The following KAZN variants were observed in gnomAD, a reference collection of about 807,000 sequenced individuals.
The protein encoded by KAZN is kazrin, periplakin interacting protein, also known as kazrin.
A neutral mutation model predicts 87.4 loss-of-function variants in KAZN; 40 were observed. The ratio of observed to expected loss-of-function variants is 0.46; its 90% CI spans 0.36 to 0.60. The LOEUF (loss-of-function observed/expected upper bound fraction) is 0.60. Among genes scored for constraint, KAZN ranks in the 20% least tolerant of loss-of-function variants. The pLI is 0.00. For synonymous variants in KAZN, 466 were observed against 458.3 expected (o/e 1.02, Z -0.22); for missense variants, 898 against 1,073.9 (o/e 0.84, Z 2.29).
At chr1:14,413,593 G>GAAAA (rs1169921344) in intron 2 of KAZN, among the ~76,000 whole-genome samples, 2 of 66,078 alleles carry the variant, frequency 3.0e-5, no homozygotes, top group African/African-American at 1.3e-4. Context: ...CGTCTCAAAA[G>GAAAA]AAAAAAAAAA....
chr1:14,610,636 G>C (rs530733090), intron 1 of KAZN, among the ~76,000 whole-genome samples: 1 of 151,640 alleles, frequency 6.6e-6, no homozygotes, highest in Non-Finnish European at 1.5e-5. Context: ...AGAATGTCCT[G>C]TTTATTTCAG....
intron 1 of KAZN, among the ~76,000 whole-genome samples, chr1:14,645,611 T>C (rs1444851211): frequency 6.6e-6 from 1 of 152,220 alleles, no homozygotes; most frequent in Admixed American, 6.5e-5. Flanking sequence ...CCTGAAACTT[T>C]GCTGAAGTTG....
chr1:14,928,587 C>G (rs1354466559), intron 1 of KAZN, among the ~76,000 whole-genome samples: 2 of 152,200 alleles, frequency 1.3e-5, no homozygotes, highest in Non-Finnish European at 2.9e-5. Flanking sequence ...TGCTTATCTT[C>G]CTGCTGTTAG....
chr1:14,479,971 A>G (rs968175690), intron 2 of KAZN, among the ~76,000 whole-genome samples: 1 of 152,234 alleles, frequency 6.6e-6, no homozygotes, highest in Non-Finnish European at 1.5e-5. Context: ...AATAAACTCA[A>G]TCAACAAGCA....
At chr1:14,120,439 C>T (rs886141397) in intron 1 of KAZN, among the ~76,000 whole-genome samples, 1 of 152,132 alleles carries the variant, frequency 6.6e-6, no homozygotes, top group Non-Finnish European at 1.5e-5. Context: ...CTGGGGACTA[C>T]AATTGAACAT....
At chr1:14,324,630 T>C (rs1656276310) in intron 2 of KAZN, among the ~76,000 whole-genome samples, 2 of 152,166 alleles carry the variant, frequency 1.3e-5, no homozygotes, top group Non-Finnish European at 2.9e-5. Context: ...TCAAGGGTGT[T>C]ATGGAGTGCC....
At chr1:14,936,185 T>A (rs1228856191) in intron 1 of KAZN, among the ~76,000 whole-genome samples, 1 of 152,248 alleles carries the variant, frequency 6.6e-6, no homozygotes, top group Non-Finnish European at 1.5e-5. Flanking sequence ...ACTCACCCTC[T>A]GGACCTGTGT....
chr1:13,910,773 A>G (rs1570252766), intron 1 of KAZN, among the ~76,000 whole-genome samples: 1 of 152,028 alleles, frequency 6.6e-6, no homozygotes, highest in South Asian at 2.1e-4. Flanking sequence ...CTCCCACCCA[A>G]TTTCCAGGTG....
intron 2 of KAZN, among the ~76,000 whole-genome samples, chr1:14,965,026 A>ATTTT (rs1189823404): frequency 6.7e-6 from 1 of 149,748 alleles, no homozygotes. Context: ...ACATATATAT[A>ATTTT]TATTTTTTTC....
At position 15,066,802 on chromosome 1, in the gene KAZN, TCTTCTCTCTC is replaced by T. The variant is rs1279111359; in HGVS notation, c.1222+1060_1222+1069del. 1.4e-5 allele frequency: 14 copies of T among 985,326 alleles called. No homozygotes were observed. The African/African-American group carries it at 2.1e-4, about 15-fold the overall frequency. 61.0% of individuals were successfully genotyped at this position (985,326 alleles called of 1,614,324 possible). ...TTCAAAGCTTGCTTTTTCTGTTGGT[TCTTCTCTCTC>T]CTTCTCTCTCTGTCTCTCCCATTCT... On this transcript the variant is annotated intron_variant, in intron 8 of 14. Transcript: ENST00000376030. This position sits in a 1 kb window ranked among gnomAD's most constrained non-coding sequence, Gnocchi z 4.3.
intron 2 of KAZN, among the ~76,000 whole-genome samples, chr1:14,237,175 A>G (rs1158521706): frequency 6.6e-6 from 1 of 152,150 alleles, no homozygotes; most frequent in African/African-American, 2.4e-5. Flanking sequence ...ACCTTTCAGC[A>G]TCTCACTCTC....
Position 14,058,104 on chromosome 1 carries a change from GC to G in KAZN, c.92-122328del, listed in dbSNP as rs961308800. ...CATGCCCAGGTGGGGATGTCACAGA[GC>G]CCATTGTCCTCCATATGCCCCACCT... On this transcript the variant is annotated intron_variant, in intron 1 of 16. Transcript: ENST00000636203. 7.2e-5 allele frequency among the ~76,000 whole-genome samples: 11 copies of G among 152,214 alleles called. No homozygotes were observed. In the South Asian group the frequency reaches 2.3e-3, roughly 32 times the overall value.
chr1:13,998,972 C>T (rs1639654385), intron 1 of KAZN, among the ~76,000 whole-genome samples: 4 of 152,212 alleles, frequency 2.6e-5, no homozygotes, highest in Non-Finnish European at 1.5e-5. Flanking sequence ...GAAAGTAAAA[C>T]ACTCCTCAGC....
chr1:14,647,036 G>A (rs946681040), intron 1 of KAZN, among the ~76,000 whole-genome samples: 3 of 152,124 alleles, frequency 2.0e-5, no homozygotes, highest in African/African-American at 7.2e-5. Flanking sequence ...ACTTGGCAGA[G>A]GAAGACCGAG....
chr1:14,844,455 G>A (rs1648434721), intron 1 of KAZN, among the ~76,000 whole-genome samples: 1 of 152,130 alleles, frequency 6.6e-6, no homozygotes, highest in Non-Finnish European at 1.5e-5. Context: ...AGCAACTTTT[G>A]GAAACACCCT....
intron 1 of KAZN, among the ~76,000 whole-genome samples, chr1:14,910,159 G>C (rs1657092335): frequency 6.6e-6 from 1 of 152,168 alleles, no homozygotes; most frequent in Non-Finnish European, 1.5e-5. Flanking sequence ...GATATCTGTG[G>C]CCTGTGGATC....
At chr1:14,249,315 A>G (rs1002241746) in intron 2 of KAZN, among the ~76,000 whole-genome samples, 20 of 152,230 alleles carry the variant, frequency 1.3e-4, no homozygotes, top group Admixed American at 1.3e-3. Flanking sequence ...TCAAAAAGAA[A>G]GCTCTGATTA....
chr1:14,383,720 C>T (rs1443760998), intron 2 of KAZN, among the ~76,000 whole-genome samples: 1 of 152,092 alleles, frequency 6.6e-6, no homozygotes, highest in East Asian at 1.9e-4. Context: ...TTACTGTAGC[C>T]TTGTAGTATA....
In KAZN at chr1:14,129,504, C is replaced by T. The variant is rs1052846275; in HGVS notation, c.92-50931C>T. 1.3e-4 allele frequency among the ~76,000 whole-genome samples: 20 copies of T among 152,228 alleles called. 1 individual carries two copies. The highest frequency in any genetic ancestry group is 1.1e-3 in the Admixed American group (17 of 15,288). ...CACCCGATTCCTCCCCTGAATCCTC[C>T]ACTTTCCAGTGGGAGAATTGGCAAG... is the stretch of plus-strand genomic sequence containing the variant. On this transcript the variant is annotated intron_variant, in intron 1 of 16. Transcript: ENST00000636203.
Sources: allele counts gnomAD v4.1 joint callset (sites outside exome capture counted in the v4.1 genomes callset), GRCh38; gene constraint gnomAD v4.1.1; non-coding constraint Gnocchi (gnomAD v3.1); transcripts MANE v1.5; gene names NCBI Gene and HGNC (gene_info 2026-07-23, HGNC 2026-07-21).